GLIS3: variants seen among roughly 807,000 people sequenced by gnomAD.
The protein encoded by GLIS3 is zinc finger protein GLIS3.
GLIS3 carries 53 observed loss-of-function variants against 78.6 expected under a neutral mutation model. The observed-to-expected ratio is 0.67, with a 90% CI of 0.54 to 0.85. The LOEUF (loss-of-function observed/expected upper bound fraction) is 0.85, where lower values mean the gene tolerates loss of function less well. GLIS3 is among the 40% of genes least tolerant of loss of function. The probability of loss-of-function intolerance (pLI) is 0.00; values close to 1 mark genes in which losing one functional copy is unlikely to be tolerated. For synonymous variants in GLIS3, 684 were observed against 509.9 expected, an observed-to-expected ratio of 1.34 and a Z score of -4.60; for missense variants, 1,703 against 1,231.1, an observed-to-expected ratio of 1.38 and a Z score of -5.74.
chr9:4,489,976 T>G, the GLIS3 span, among the ~76,000 whole-genome samples: 24 of 152,290 alleles, frequency 1.6e-4, no homozygotes, highest in South Asian at 5.0e-3. Context: ...TCCCAGAAGC[T>G]TCAGGCTTTC....
chr9:4,462,392 G>A, the GLIS3 span, among the ~76,000 whole-genome samples: 4 of 152,142 alleles, frequency 2.6e-5, no homozygotes, highest in African/African-American at 9.7e-5. Context: ...GGTGTTTTCA[G>A]ACTTGTACAC....
chr9:3,911,928 T>C (rs530763680), intron 6 of GLIS3, among the ~76,000 whole-genome samples: 1 of 152,310 alleles, frequency 6.6e-6, no homozygotes, highest in East Asian at 1.9e-4. Context: ...CTTTTTGGGA[T>C]ATATTTTCTC....
At chr9:3,845,821 ACAGCCCCCAATCAAAGGCTTAATAGCAG>A (rs780254466) in intron 9 of GLIS3, among the ~76,000 whole-genome samples, 11 of 152,192 alleles carry the variant, frequency 7.2e-5, no homozygotes, top group Non-Finnish European at 1.5e-4. Flanking sequence ...CCCCATGGGG[ACAGCCCCCAATCAAAGGCTTAATAGCAG>A]CATTGCAGAA....
chr9:4,210,708 G>A (rs960838355), intron 2 of GLIS3, among the ~76,000 whole-genome samples: 3 of 152,180 alleles, frequency 2.0e-5, no homozygotes, highest in Admixed American at 6.5e-5. Context: ...TATCCTGCTC[G>A]TCCAAGGAAG....
At chr9:4,199,604 T>G (rs961971945) in intron 2 of GLIS3, among the ~76,000 whole-genome samples, 10 of 151,146 alleles carry the variant, frequency 6.6e-5, no homozygotes, top group Non-Finnish European at 1.2e-4. Flanking sequence ...ACAAGAAGAC[T>G]TAACTATCCT....
rs1817332075 is a variant in GLIS3, at chr9:3,958,727, G to A, written c.1711-21538C>T. Among the ~76,000 whole-genome samples the A allele has an allele frequency of 1.3e-5, 2 of 152,328 alleles. 1 individual carries two copies. Among genetic ancestry groups the A allele is most frequent in the Middle Eastern group, 6.8e-3 (2 of 294 alleles). ...TAAACAAACAAATGCAATAGAATGA[G>A]ATATAATAAAAGATACAAGTAAAGA... On this transcript the variant is annotated intron_variant, in intron 4 of 10. Coordinates refer to ENST00000381971, the MANE Select transcript of GLIS3 (RefSeq NM_001042413.2).
At chr9:3,830,366 G>C (rs1258459497) in intron 9 of GLIS3, among the ~76,000 whole-genome samples, 2 of 152,074 alleles carry the variant, frequency 1.3e-5, no homozygotes, top group Non-Finnish European at 2.9e-5. Flanking sequence ...ATATGCTTCT[G>C]AAAATATAAT....
intron 4 of GLIS3, among the ~76,000 whole-genome samples, chr9:3,996,569 A>C (rs1471929467): frequency 6.6e-6 from 1 of 152,220 alleles, no homozygotes; most frequent in African/African-American, 2.4e-5. Context: ...TTTTCAAAGG[A>C]AATTCATAAC....
At chr9:4,077,067 A>G (rs779348943) in intron 4 of GLIS3, among the ~76,000 whole-genome samples, 2 of 150,264 alleles carry the variant, frequency 1.3e-5, no homozygotes, top group African/African-American at 2.5e-5. Context: ...TAAAAAAACA[A>G]TAACAACGAT....
intron 2 of GLIS3, among the ~76,000 whole-genome samples, chr9:4,152,349 A>T (rs1241667415): frequency 1.3e-5 from 2 of 152,218 alleles, no homozygotes. Context: ...ATCCCTAAGG[A>T]CATTCCCAAC....
At chr9:3,848,776 T>A in intron 9 of GLIS3, among the ~76,000 whole-genome samples, 1 of 152,384 alleles carries the variant, frequency 6.6e-6, no homozygotes, top group Middle Eastern at 3.4e-3. Flanking sequence ...CAATGTGTTT[T>A]GTTCTTGGAG....
chr9:4,234,726 G>C (rs1822559499), intron 2 of GLIS3, among the ~76,000 whole-genome samples: 1 of 152,272 alleles, frequency 6.6e-6, no homozygotes, highest in South Asian at 2.1e-4. Flanking sequence ...CAAAAACACA[G>C]TATCTGCAAA....
At chr9:4,423,374 A>C in the GLIS3 span, among the ~76,000 whole-genome samples, 2 of 152,232 alleles carry the variant, frequency 1.3e-5, no homozygotes, top group East Asian at 3.9e-4. Context: ...CCTGGTGGGC[A>C]CAAGAGTTCT....
the GLIS3 span, among the ~76,000 whole-genome samples, chr9:4,489,758 C>T: frequency 6.6e-6 from 1 of 152,308 alleles, no homozygotes; most frequent in Non-Finnish European, 1.5e-5. Flanking sequence ...TGCTCCAGGG[C>T]CTGTGGTCAC....
Position 4,286,022 on chromosome 9 carries a change from A to G in GLIS3, c.388+16T>C. The G allele has an allele frequency of 6.2e-7, 1 of 1,614,132 alleles. No homozygotes were observed. ...ATCGTTTCCATTTTTAAAAGGTTCC[A>G]GAAAGACAATCCTACCTTTCCCAGG... is the stretch of plus-strand genomic sequence containing the variant. On this transcript the variant is annotated intron_variant, in intron 2 of 10. Transcript: ENST00000381971.
the GLIS3 span, among the ~76,000 whole-genome samples, chr9:4,446,662 A>G: frequency 6.8e-6 from 1 of 146,718 alleles, no homozygotes; most frequent in South Asian, 2.2e-4. Context: ...GGCACACACC[A>G]CCATGCCCGG....
At chr9:4,114,301 G>C (rs1026318103) in intron 4 of GLIS3, among the ~76,000 whole-genome samples, 1 of 152,146 alleles carries the variant, frequency 6.6e-6, no homozygotes. Flanking sequence ...AACGTTCTCA[G>C]GGTGCACTCT....
At chr9:3,988,218 AC>A (rs1046370511) in intron 4 of GLIS3, among the ~76,000 whole-genome samples, 3 of 152,168 alleles carry the variant, frequency 2.0e-5, no homozygotes, top group African/African-American at 7.2e-5. Context: ...AAATAAAAAA[AC>A]ATTCTCAATG....
intron 4 of GLIS3, among the ~76,000 whole-genome samples, chr9:4,113,550 G>A (rs1053766726): frequency 1.3e-5 from 2 of 152,144 alleles, no homozygotes; most frequent in Admixed American, 6.6e-5. Flanking sequence ...TGGGGATTAA[G>A]AATTATGCTT....
Sources: allele counts gnomAD v4.1 joint callset (sites outside exome capture counted in the v4.1 genomes callset), GRCh38; gene constraint gnomAD v4.1.1; transcripts MANE v1.5; gene names NCBI Gene and HGNC (gene_info 2026-07-23, HGNC 2026-07-21).